Variants in PDGFRA observed in about 807,000 individuals in gnomAD.
PDGFRA encodes the protein platelet-derived growth factor receptor alpha.
PDGFRA carries 25 observed loss-of-function variants against 121.5 expected under a neutral mutation model. The ratio of observed to expected loss-of-function variants is 0.21; its 90% CI spans 0.15 to 0.29. The LOEUF (loss-of-function observed/expected upper bound fraction) is 0.29, where lower values mean the gene tolerates loss of function less well. Among genes scored for constraint, PDGFRA ranks in the 10% least tolerant of loss-of-function variants. The probability of loss-of-function intolerance (pLI) is 1.00; values close to 1 mark genes in which losing one functional copy is unlikely to be tolerated. For synonymous variants in PDGFRA, 463 were observed against 494.8 expected, an observed-to-expected ratio of 0.94 and a Z score of 0.85; for missense variants, 1,008 against 1,345.1, an observed-to-expected ratio of 0.75 and a Z score of 3.92.
At chr4:54,288,595 T>G (rs1180265282) in intron 19 of PDGFRA, among the ~76,000 whole-genome samples, 1 of 152,164 alleles carries the variant, frequency 6.6e-6, no homozygotes, top group Non-Finnish European at 1.5e-5. Flanking sequence ...TACTTGGACT[T>G]GACCAACCTG....
At chr4:54,263,961 G>T in intron 4 of PDGFRA, 34 bp downstream of exon 4, 3 of 1,598,190 alleles carry the variant, frequency 1.9e-6, no homozygotes, top group South Asian at 1.1e-5. Flanking sequence ...CTTTAAATAA[G>T]AGTAACAGGC....
At position 54,270,569 on chromosome 4, in the gene PDGFRA, A is replaced by G. The variant is rs1465383912; in HGVS notation, c.1122-64A>G. 9.2e-6 allele frequency: 8 copies of G among 867,538 alleles called. No individual in the cohort carries two copies. The East Asian group carries it at 1.4e-4, about 16-fold the overall frequency. 53.7% of individuals were successfully genotyped at this position (867,538 alleles called of 1,614,324 possible). A position where few individuals can be genotyped will look rare whatever the true frequency, so the allele number is the denominator to read the frequency against. On this transcript the variant is annotated intron_variant, in intron 7 of 22. Coordinates refer to ENST00000257290, the MANE Select transcript of PDGFRA (RefSeq NM_006206.6). ...AATAAAACTTAAATTGAAGAGTACAATTGTTTAAACAATTGGAACTTACTT... is the reference window on the plus strand; with the variant it reads ...AATAAAACTTAAATTGAAGAGTACAGTTGTTTAAACAATTGGAACTTACTT...
chr4:54,286,062 A>G, intron 18 of PDGFRA, 99 bp downstream of exon 18: 1 of 1,258,032 alleles, frequency 7.9e-7, no homozygotes, highest in Non-Finnish European at 1.2e-6. Context: ...GTTTTTTAAA[A>G]CATCAATAGA....
At chr4:54,264,884 G>T (rs769713524) in intron 4 of PDGFRA, 35 bp from the exon 5 acceptor site, 10 of 1,600,596 alleles carry the variant, frequency 6.2e-6, no homozygotes, top group Non-Finnish European at 2.6e-6. Flanking sequence ...CTATCCTGTG[G>T]ATTTTTAGGC....
chr4:54,232,418 A>G (rs1720736613), intron 1 of PDGFRA, among the ~76,000 whole-genome samples: 1 of 152,138 alleles, frequency 6.6e-6, no homozygotes, highest in Non-Finnish European at 1.5e-5. Context: ...GAAAAAGTAG[A>G]TTGTAGGAGG....
chr4:54,252,352 G>A (rs1722097392), intron 1 of PDGFRA, among the ~76,000 whole-genome samples: 1 of 152,174 alleles, frequency 6.6e-6, no homozygotes, highest in Non-Finnish European at 1.5e-5. Context: ...TAGGAATGCA[G>A]GAAAAGCTTA....
At position 54,232,021 on chromosome 4, in the gene PDGFRA, G is replaced by A. The variant is rs181136644; in HGVS notation, c.-13+2606G>A. Among the ~76,000 whole-genome samples the A allele has an allele frequency of 4.3e-3, 648 of 152,366 alleles. 6 individuals carry two copies. Among genetic ancestry groups the A allele is most frequent in the African/African-American group, 0.015 (616 of 41,594 alleles). On this transcript the variant is annotated intron_variant, in intron 1 of 22. Transcript: ENST00000257290. ...TGGGCGGCGCGCAGCGGCGGGACGC[G>A]TTTTGGGGACGTGGTGGCCAGCGCC... is the stretch of plus-strand genomic sequence containing the variant.
At chr4:54,272,313 G>C in intron 8 of PDGFRA, 81 bp from the exon 9 acceptor site, 1 of 1,469,388 alleles carries the variant, frequency 6.8e-7, no homozygotes, top group Non-Finnish European at 9.5e-7. Context: ...TAGATGAGTT[G>C]TGAACTCATA....
chr4:54,262,230 T>C lies in PDGFRA; in HGVS notation c.367+818T>C, dbSNP rs113101782. On this transcript the variant is annotated intron_variant, in intron 3 of 22. Coordinates refer to ENST00000257290, the MANE Select transcript of PDGFRA (RefSeq NM_006206.6). ...CAGGCGTGAGCCACTGTGCCCTAAT[T>C]TTTATTTTTATTTTTGTAGAGATAG... Among the ~76,000 whole-genome samples, 516 of 151,856 alleles carry C rather than the reference T, an allele frequency of 3.4e-3. 4 individuals are homozygous for C. The highest frequency in any genetic ancestry group is 0.012 in the African/African-American group (487 of 41,380).
rs1724920692 is a variant in PDGFRA, at chr4:54,297,232, T to G, written c.*1960T>G. On this transcript the variant is annotated 3_prime_UTR_variant, in exon 23 of 23. Transcript: ENST00000257290. ...TGCTTAATTGCTGATACCATATGAATGAAACATGGGCTGTGATTACTGCAA... is the reference window on the plus strand; with the variant it reads ...TGCTTAATTGCTGATACCATATGAAGGAAACATGGGCTGTGATTACTGCAA... The G allele has an allele frequency of 4.3e-6, 1 of 233,626 alleles. No homozygotes were observed. Among genetic ancestry groups the G allele is most frequent in the Non-Finnish European group, 8.5e-6 (1 of 118,062 alleles). 14.5% of individuals were successfully genotyped at this position (233,626 alleles called of 1,614,324 possible).
chr4:54,256,068 G>C (rs1722347442), intron 1 of PDGFRA, among the ~76,000 whole-genome samples: 1 of 151,932 alleles, frequency 6.6e-6, no homozygotes, highest in South Asian at 2.1e-4. Context: ...TAGGAGTTGG[G>C]TAGGAATGGT....
chr4:54,287,459 TGA>T lies in PDGFRA; in HGVS notation c.2596_2597del (p.Ser866HisfsTer3). 2.6e-6 allele frequency: 4 copies of T among 1,550,572 alleles called. No individual in the cohort carries two copies. The highest frequency in any genetic ancestry group is 3.6e-6 in the Non-Finnish European group (4 of 1,121,978). ...TTCTGCCCGTGAAGTGGATGGCTCC[TGA>T]GAGCATCTTTGACAACCTCTACACC... ...TFLPVKWMAP[E>X]SIFDNLYTTL... On this transcript the variant is annotated frameshift_variant, in exon 19 of 23. Coordinates refer to ENST00000257290, the MANE Select transcript of PDGFRA (RefSeq NM_006206.6). LOFTEE classifies it high-confidence loss of function.
intron 3 of PDGFRA, among the ~76,000 whole-genome samples, chr4:54,261,718 T>C (rs1722728384): frequency 6.6e-6 from 1 of 151,662 alleles, no homozygotes; most frequent in African/African-American, 2.4e-5. Context: ...ACTCACAGTG[T>C]GTCCAGCACT....
At chr4:54,288,551 G>T (rs983678410) in intron 19 of PDGFRA, among the ~76,000 whole-genome samples, 3 of 152,098 alleles carry the variant, frequency 2.0e-5, no homozygotes, top group African/African-American at 7.2e-5. Flanking sequence ...ACACTTGAAC[G>T]CTTATTTCTA....
intron 1 of PDGFRA, among the ~76,000 whole-genome samples, chr4:54,249,980 GAAGATTTGTCTATA>G (rs1721959967): frequency 6.6e-6 from 1 of 152,044 alleles, no homozygotes; most frequent in Non-Finnish European, 1.5e-5. Flanking sequence ...TTAAGATTGG[GAAGATTTGTCTATA>G]AAGTTTTATT....
At position 54,270,764 on chromosome 4, in the gene PDGFRA, A is replaced by G; in HGVS notation, c.1237+16A>G. The G allele has an allele frequency of 1.5e-6, 2 of 1,311,806 alleles. No homozygotes were observed. The highest frequency in any genetic ancestry group is 2.2e-6 in the Non-Finnish European group (2 of 904,198). 81.3% of individuals were successfully genotyped at this position (1,311,806 alleles called of 1,614,324 possible). On this transcript the variant is annotated intron_variant, in intron 8 of 22. Transcript: ENST00000257290. ...TTAACTCAAGGTATGTAAAGGGAGT[A>G]TAAAGATAATGCTAGCTCTGTAGAT...
intron 3 of PDGFRA, among the ~76,000 whole-genome samples, chr4:54,262,716 A>G (rs568184968): frequency 6.6e-6 from 1 of 152,316 alleles, no homozygotes; most frequent in Admixed American, 6.5e-5. Context: ...AAGGGAAGGT[A>G]TTTAGAATGT....
intron 15 of PDGFRA, chr4:54,278,870 T>C: frequency 2.1e-6 from 1 of 480,254 alleles, no homozygotes; most frequent in South Asian, 1.5e-5. Flanking sequence ...TGTCTGTGGA[T>C]CTCCAAGCTC....
At chr4:54,252,937 C>A (rs1722138417) in intron 1 of PDGFRA, among the ~76,000 whole-genome samples, 1 of 151,190 alleles carries the variant, frequency 6.6e-6, no homozygotes, top group Admixed American at 6.6e-5. Context: ...TGGCTCTTTA[C>A]TTCTGTTTGC....
Sources: gnomAD v4.1 joint callset for allele counts (sites outside exome capture counted in the v4.1 genomes callset) on GRCh38, gnomAD v4.1.1 for gene constraint, MANE v1.5 for transcripts, NCBI Gene and HGNC (gene_info 2026-07-23, HGNC 2026-07-21) for gene names.